The following UBE2E2 variants were observed in gnomAD, a reference collection of about 807,000 sequenced individuals.
The protein encoded by UBE2E2 is ubiquitin conjugating enzyme E2 E2.
In UBE2E2, 6 loss-of-function variants were observed where a neutral mutation model predicts 24.7. That is an observed-to-expected ratio of 0.24 (90% CI 0.13 to 0.48). The LOEUF (loss-of-function observed/expected upper bound fraction) is 0.48, where lower values mean the gene tolerates loss of function less well. Among genes scored for constraint, UBE2E2 ranks in the 20% least tolerant of loss-of-function variants. The pLI, the probability that UBE2E2 is intolerant of heterozygous loss-of-function variation, is 0.99. For synonymous variants in UBE2E2, 104 were observed against 83.6 expected (o/e 1.24, Z -1.33); for missense variants, 169 against 245.0 (o/e 0.69, Z 2.07).
intron 3 of UBE2E2, among the ~76,000 whole-genome samples, chr3:23,469,889 A>G (rs1399810548): frequency 6.6e-6 from 1 of 152,218 alleles, no homozygotes. Flanking sequence ...CTTTCTATGC[A>G]TAGAAATCTT....
intron 5 of UBE2E2, among the ~76,000 whole-genome samples, chr3:23,544,402 C>T (rs1455590988): frequency 1.3e-5 from 2 of 152,138 alleles, no homozygotes; most frequent in Admixed American, 6.6e-5. Context: ...CATGAATAGA[C>T]ATTTCTCAAA....
chr3:23,218,740 A>G (rs1696547853), intron 3 of UBE2E2, among the ~76,000 whole-genome samples: 1 of 152,138 alleles, frequency 6.6e-6, no homozygotes, highest in Admixed American at 6.6e-5. Flanking sequence ...AATAAATGAA[A>G]TCCACATACA....
At chr3:23,519,667 G>A (rs533171743) in intron 4 of UBE2E2, among the ~76,000 whole-genome samples, 13 of 152,100 alleles carry the variant, frequency 8.5e-5, no homozygotes, top group Admixed American at 3.9e-4. Flanking sequence ...ATATATATAT[G>A]TGTGAGGGTT....
At chr3:23,286,219 T>G (rs1169882873) in intron 3 of UBE2E2, among the ~76,000 whole-genome samples, 1 of 152,204 alleles carries the variant, frequency 6.6e-6, no homozygotes, top group African/African-American at 2.4e-5. Flanking sequence ...TTTCTTATGC[T>G]TTCTGGGTAT....
intron 3 of UBE2E2, among the ~76,000 whole-genome samples, chr3:23,301,237 C>T (rs1366680053): frequency 6.6e-6 from 1 of 152,130 alleles, no homozygotes; most frequent in Non-Finnish European, 1.5e-5. Context: ...GTATTTCCTC[C>T]TGTAGCTCAG....
chr3:23,211,156 T>C (rs1257847055), intron 2 of UBE2E2, among the ~76,000 whole-genome samples: 1 of 152,140 alleles, frequency 6.6e-6, no homozygotes, highest in Non-Finnish European at 1.5e-5. Flanking sequence ...GAGCTTCTTA[T>C]AGGGATCGGA....
At chr3:23,545,694 C>G (rs555244106) in intron 5 of UBE2E2, among the ~76,000 whole-genome samples, 16 of 152,208 alleles carry the variant, frequency 1.1e-4, no homozygotes, top group African/African-American at 3.9e-4. Context: ...TCATTTATAT[C>G]AAAAAGACAC....
intron 4 of UBE2E2, among the ~76,000 whole-genome samples, chr3:23,522,402 G>A (rs1373604861): frequency 6.6e-6 from 1 of 152,124 alleles, no homozygotes; most frequent in Non-Finnish European, 1.5e-5. Context: ...AAAGTGCTGG[G>A]ATTACAGGCG....
intron 3 of UBE2E2, among the ~76,000 whole-genome samples, chr3:23,282,243 A>G (rs1698505578): frequency 6.6e-6 from 1 of 152,220 alleles, no homozygotes; most frequent in Non-Finnish European, 1.5e-5. Context: ...GCTACATTGC[A>G]TTTATGAGCT....
chr3:23,226,793 TAAA>T, intron 3 of UBE2E2, among the ~76,000 whole-genome samples: 3 of 152,254 alleles, frequency 2.0e-5, no homozygotes, highest in East Asian at 3.9e-4. Flanking sequence ...GTTTGAGGTT[TAAA>T]TACTGAGTAA....
chr3:23,522,148 T>TTTGGGCA (rs58369100), intron 4 of UBE2E2, among the ~76,000 whole-genome samples: 1 of 115,170 alleles, frequency 8.7e-6, no homozygotes, highest in Non-Finnish European at 1.7e-5. Flanking sequence ...TTTTTTTTTT[T>TTTGGGCA]GAGGCAGAGT....
chr3:23,510,344 C>T (rs1205695870), intron 4 of UBE2E2, among the ~76,000 whole-genome samples: 4 of 152,248 alleles, frequency 2.6e-5, no homozygotes, highest in Admixed American at 1.3e-4. Context: ...TGGTGGCTCA[C>T]GCCTGTAATC....
chr3:23,314,285 T>A (rs1007525050), intron 3 of UBE2E2, among the ~76,000 whole-genome samples: 1 of 152,174 alleles, frequency 6.6e-6, no homozygotes, highest in African/African-American at 2.4e-5. Context: ...CACACCACCA[T>A]GCCTGGCTAA....
intron 3 of UBE2E2, chr3:23,449,713 T>G (rs961093677): frequency 3.4e-6 from 1 of 296,924 alleles, no homozygotes; most frequent in Non-Finnish European, 5.0e-6. Context: ...CAATCACACA[T>G]CATGATTCAT....
intron 3 of UBE2E2, among the ~76,000 whole-genome samples, chr3:23,402,550 G>T (rs1327468232): frequency 6.6e-6 from 1 of 152,106 alleles, no homozygotes; most frequent in Non-Finnish European, 1.5e-5. Flanking sequence ...TAGCCCACAT[G>T]TCCTGAAGAT....
intron 5 of UBE2E2, among the ~76,000 whole-genome samples, chr3:23,581,972 G>A (rs1696487562): frequency 6.6e-6 from 1 of 152,076 alleles, no homozygotes; most frequent in Non-Finnish European, 1.5e-5. Context: ...TAGGTCAATT[G>A]CATGTCACAG....
At chr3:23,499,403 T>C (rs925040165) in intron 3 of UBE2E2, among the ~76,000 whole-genome samples, 2 of 152,242 alleles carry the variant, frequency 1.3e-5, no homozygotes, top group African/African-American at 4.8e-5. Context: ...AAAGAGGATC[T>C]TGGTGTTCTT....
intron 4 of UBE2E2, among the ~76,000 whole-genome samples, chr3:23,502,474 T>C (rs1699745705): frequency 6.6e-6 from 1 of 152,154 alleles, no homozygotes; most frequent in African/African-American, 2.4e-5. Flanking sequence ...AATAGAACCT[T>C]TTATGAGGAC....
chr3:23,252,730 C>G (rs9844723), intron 3 of UBE2E2, among the ~76,000 whole-genome samples: 46,380 of 152,146 alleles, frequency 0.3, 7,362 homozygotes, highest in South Asian at 0.4. Context: ...CTCCTGATCT[C>G]TGGTGATCCA....
Sources: allele counts gnomAD v4.1 joint callset (sites outside exome capture counted in the v4.1 genomes callset), GRCh38; gene constraint gnomAD v4.1.1; transcripts MANE v1.5; gene names NCBI Gene and HGNC (gene_info 2026-07-23, HGNC 2026-07-21).